The following ESYT2 variants were observed in gnomAD, a reference collection of about 807,000 sequenced individuals.
ESYT2 encodes extended synaptotagmin 2, also known as extended synaptotagmin-2.
In ESYT2, 54 loss-of-function variants were observed where a neutral mutation model predicts 107.2. That is an observed-to-expected ratio of 0.50 (90% CI 0.40 to 0.63). ESYT2 has a LOEUF of 0.63. ESYT2 is among the 30% of genes least tolerant of loss of function. ESYT2 has a pLI of 0.00. For missense variants in ESYT2, 1,020 were observed against 1,094.5 expected (o/e 0.93, Z 0.96); for synonymous variants, 491 against 434.1 (o/e 1.13, Z -1.63).
In ESYT2 at chr7:158,813,757, A is replaced by T. The variant is rs553617234; in HGVS notation, c.331-14685T>A. Among the ~76,000 whole-genome samples the T allele has an allele frequency of 2.6e-5, 4 of 152,278 alleles. No individual in the cohort carries two copies. The South Asian group carries it at 8.3e-4, about 32-fold the overall frequency. ...TCTGTTCCTCGTCCCGATGACTCTCACAGATCAAAAACGTTTTAAAAATAT... is the reference window on the plus strand; with the variant it reads ...TCTGTTCCTCGTCCCGATGACTCTCTCAGATCAAAAACGTTTTAAAAATAT... On this transcript the variant is annotated intron_variant, in intron 1 of 22. Coordinates refer to ENST00000275418, the MANE Select transcript of ESYT2 (RefSeq NM_001367773.1).
In ESYT2 at chr7:158,760,239, A is replaced by G; in HGVS notation, c.1234-92T>C. 2.7e-6 allele frequency: 3 copies of G among 1,129,866 alleles called. 1 individual carries two copies. The South Asian group carries it at 3.9e-5, about 15-fold the overall frequency. The allele number at this position is 1,129,866 out of a possible 1,614,324, so 70.0% of individuals were successfully genotyped here. ...TCTCTACAAATGTTCCATGCTGCTC[A>G]CTAACCACGAGGCATCAACAGTTCT... On this transcript the variant is annotated intron_variant, in intron 11 of 22. Transcript: ENST00000275418.
At position 158,823,227 on chromosome 7, in the gene ESYT2, G is replaced by A. The variant is rs529556141; in HGVS notation, c.330+5862C>T. Among the ~76,000 whole-genome samples, 116 of 147,258 alleles carry A rather than the reference G, an allele frequency of 7.9e-4. 1 individual carries two copies. In the South Asian group the frequency reaches 8.2e-3, roughly 10 times the overall value. On this transcript the variant is annotated intron_variant, in intron 1 of 22. Coordinates refer to ENST00000275418, the MANE Select transcript of ESYT2 (RefSeq NM_001367773.1). The stretch of plus-strand genomic sequence containing the variant: ...GGAGAATTGCTTGAACCAGCGAGGC[G>A]GAGGTTGCAGTGACCCGAGATGGTG...
Position 158,774,447 on chromosome 7 carries a change from C to T in ESYT2, c.748-1051G>A, listed in dbSNP as rs569502488. ...ACATCAGTATCAACCTATGCTTTAC[C>T]TCCCCCTTAAAATAAATGTTTTTCC... On this transcript the variant is annotated intron_variant, in intron 6 of 22. Transcript: ENST00000275418. 5.6e-4 allele frequency among the ~76,000 whole-genome samples: 84 copies of T among 148,712 alleles called. 2 individuals carry two copies. Among genetic ancestry groups the T allele is most frequent in the Middle Eastern group, 6.8e-3 (2 of 292 alleles).
At chr7:158,796,672 C>T (rs188264091) in intron 3 of ESYT2, among the ~76,000 whole-genome samples, 205 of 152,308 alleles carry the variant, frequency 1.3e-3, no homozygotes, top group African/African-American at 4.2e-3. Flanking sequence ...ATGGCCAAGA[C>T]GGCACCGCGG....
chr7:158,769,429 C>T (rs2129472423), intron 7 of ESYT2, among the ~76,000 whole-genome samples: 1 of 152,338 alleles, frequency 6.6e-6, no homozygotes, highest in South Asian at 2.1e-4. Flanking sequence ...CGGGGCTCCC[C>T]TCACTGCGCC....
chr7:158,760,144 A>C lies in ESYT2; in HGVS notation c.1237T>G (p.Phe413Val). The change falls in exon 12 of 23, where the codon TTC becomes GTC. Residue 413 changes from phenylalanine (F) to valine (V), a missense_variant. Coordinates refer to ENST00000275418, the MANE Select transcript of ESYT2 (RefSeq NM_001367773.1). The stretch of plus-strand genomic sequence containing the variant: ...CCCTTGGGAACCTCGTCCAGAGTGA[A>C]CCACTGAAGAGAAAAAATGTTTACG... ...VEKERLLDEW[F>V]TLDEVPKGKL... The C allele has an allele frequency of 1.2e-6, 2 of 1,613,986 alleles. No individual in the cohort carries two copies. The highest frequency in any genetic ancestry group is 1.7e-6 in the Non-Finnish European group (2 of 1,179,850).
chr7:158,826,495 T>C (rs1352944774), intron 1 of ESYT2, among the ~76,000 whole-genome samples: 1 of 152,088 alleles, frequency 6.6e-6, no homozygotes, highest in African/African-American at 2.4e-5. Flanking sequence ...GAAAAGAATC[T>C]TTGGCTAAAT....
rs1840223996 is a variant in ESYT2, at chr7:158,819,153, C to T, written c.330+9936G>A. Among the ~76,000 whole-genome samples the T allele has an allele frequency of 2.0e-5, 3 of 152,166 alleles. No individual in the cohort carries two copies. The South Asian group carries it at 6.2e-4, about 32-fold the overall frequency. ...TCATTATGGAGGGAATGCTTTCTTC[C>T]AAAGGTTATTCAGACAAAAAGAGAT... On this transcript the variant is annotated intron_variant, in intron 1 of 22. Coordinates refer to ENST00000275418, the MANE Select transcript of ESYT2 (RefSeq NM_001367773.1).
chr7:158,774,738 GAAGT>G (rs967722200), intron 6 of ESYT2, among the ~76,000 whole-genome samples: 22 of 152,158 alleles, frequency 1.4e-4, no homozygotes, highest in African/African-American at 5.3e-4. Flanking sequence ...TCTACATCAG[GAAGT>G]AAGAACATAT....
intron 6 of ESYT2, among the ~76,000 whole-genome samples, chr7:158,777,797 A>C (rs2129472738): frequency 6.6e-6 from 1 of 152,346 alleles, no homozygotes; most frequent in South Asian, 2.1e-4. Context: ...GTAATGCCCC[A>C]AAACGATTAC....
chr7:158,781,787 G>C (rs555396620), intron 6 of ESYT2, among the ~76,000 whole-genome samples: 91 of 152,250 alleles, frequency 6.0e-4, no homozygotes, highest in Non-Finnish European at 9.0e-4. Context: ...GAACAAGTGT[G>C]AACGAGTGTG....
At chr7:158,826,298 T>G (rs1445578994) in intron 1 of ESYT2, among the ~76,000 whole-genome samples, 2 of 152,180 alleles carry the variant, frequency 1.3e-5, no homozygotes, top group Non-Finnish European at 2.9e-5. Context: ...ATAATCACTG[T>G]CAAGTTTCAT....
Position 158,763,223 on chromosome 7 carries a change from G to A in ESYT2, c.1102-58C>T, listed in dbSNP as rs1838035088. On this transcript the variant is annotated intron_variant, in intron 9 of 22. Coordinates refer to ENST00000275418, the MANE Select transcript of ESYT2 (RefSeq NM_001367773.1). Reference sequence around the variant, plus strand: ...TTTTACTAATATAGTCATACACTGAGTATGATATGATGATTGTAGTAAATA... The same window carrying A: ...TTTTACTAATATAGTCATACACTGAATATGATATGATGATTGTAGTAAATA... The A allele has an allele frequency of 3.3e-6, 4 of 1,196,594 alleles. No individual in the cohort carries two copies. The Admixed American group carries it at 5.5e-5, about 16-fold the overall frequency. The allele number at this position is 1,196,594 out of a possible 1,614,324, so 74.1% of individuals were successfully genotyped here.
chr7:158,777,792 G>T (rs1838622004), intron 6 of ESYT2, among the ~76,000 whole-genome samples: 1 of 152,112 alleles, frequency 6.6e-6, no homozygotes, highest in African/African-American at 2.4e-5. Flanking sequence ...GGTTTGTAAT[G>T]CCCCAAAACG....
At chr7:158,798,476 A>G (rs1839535953) in intron 2 of ESYT2, among the ~76,000 whole-genome samples, 1 of 151,616 alleles carries the variant, frequency 6.6e-6, no homozygotes, top group African/African-American at 2.4e-5. Context: ...GAGAAACTCC[A>G]TCTCTACTAA....
intron 1 of ESYT2, among the ~76,000 whole-genome samples, chr7:158,812,781 T>C (rs1416768011): frequency 1.3e-5 from 2 of 152,160 alleles, no homozygotes; most frequent in Non-Finnish European, 2.9e-5. Flanking sequence ...TACGCTACAA[T>C]GCAAATTAAC....
chr7:158,788,181 A>G (rs1839172640), intron 5 of ESYT2, 88 bp from the exon 6 acceptor site: 1 of 1,241,978 alleles, frequency 8.1e-7, no homozygotes, highest in Admixed American at 1.9e-5. Context: ...AATCTTAGTA[A>G]CTTTTGAGCA....
chr7:158,783,931 C>T (rs116065588), intron 6 of ESYT2, among the ~76,000 whole-genome samples: 1,778 of 152,304 alleles, frequency 0.012, 32 homozygotes, highest in African/African-American at 0.041. Flanking sequence ...CCTTGAGAAC[C>T]CACTGCAGCT....
Position 158,829,459 on chromosome 7 carries a change from T to G in ESYT2, c.-41A>C, listed in dbSNP as rs1382398452. On this transcript the variant is annotated 5_prime_UTR_variant, in exon 1 of 23. Transcript: ENST00000275418. ...CGCTGCCCTCCCGGCCGAGGCGGGC[T>G]GGGTGCTCGCGCTGATCCCGGGCGG... The G allele has an allele frequency of 2.5e-6, 3 of 1,201,196 alleles. No homozygotes were observed. The highest frequency in any genetic ancestry group is 3.2e-5 in the African/African-American group (2 of 62,586). The allele number at this position is 1,201,196 out of a possible 1,614,324, so 74.4% of individuals were successfully genotyped here.
Sources: allele counts gnomAD v4.1 joint callset (sites outside exome capture counted in the v4.1 genomes callset), GRCh38; gene constraint gnomAD v4.1.1; transcripts MANE v1.5; gene names NCBI Gene and HGNC (gene_info 2026-07-23, HGNC 2026-07-21).